The following ATP7B variants were observed in gnomAD, a reference collection of about 807,000 sequenced individuals.
The protein encoded by ATP7B is copper-transporting ATPase 2.
Under a neutral mutation model 118.9 loss-of-function variants are expected in ATP7B, and 113 were observed. The observed-to-expected ratio is 0.95, with a 90% CI of 0.82 to 1.11. The LOEUF (loss-of-function observed/expected upper bound fraction) is 1.11, where lower values mean the gene tolerates loss of function less well. Among genes scored for constraint, ATP7B ranks in the 50% most tolerant of loss-of-function variants. The probability of loss-of-function intolerance (pLI) is 0.00; values close to 1 mark genes in which losing one functional copy is unlikely to be tolerated. For synonymous variants in ATP7B, 777 were observed against 727.4 expected (o/e 1.07, Z -1.10); for missense variants, 1,867 against 1,871.4 (o/e 1.00, Z 0.04).
intron 1 of ATP7B, among the ~76,000 whole-genome samples, chr13:52,004,931 G>A (rs1252207951): frequency 6.6e-6 from 1 of 152,216 alleles, no homozygotes; most frequent in Non-Finnish European, 1.5e-5. Context: ...GCACCACATG[G>A]ACACCAAGGT....
chr13:51,974,145 T>C lies in ATP7B; in HGVS notation c.1075A>G (p.Ser359Gly), dbSNP rs754514505. 1.9e-6 allele frequency: 3 copies of C among 1,613,430 alleles called. No homozygotes were observed. The South Asian group carries it at 3.3e-5, about 18-fold the overall frequency. Residue 359 changes from serine to glycine, a missense_variant, in exon 2 of 21, where the codon AGT becomes GGT. Transcript: ENST00000242839. ...CCGGCAATGGCAATCAGAGTGGTAC[T>C]GCATGTGCCCTGGACCTGGTTTCTC... is the stretch of plus-strand genomic sequence containing the variant. Reference protein sequence around the residue: ...PPRNQVQGTCSTTLIAIAGMT... With the variant: ...PPRNQVQGTCGTTLIAIAGMT...
At chr13:51,972,378 T>C (rs1349906191) in intron 2 of ATP7B, among the ~76,000 whole-genome samples, 5 of 150,842 alleles carry the variant, frequency 3.3e-5, no homozygotes, top group Non-Finnish European at 7.4e-5. Flanking sequence ...CATCTCACAA[T>C]CACTCTTTCT....
Position 51,946,317 on chromosome 13 carries a change from G to A in ATP7B, c.3027C>T (p.Ile1009=), listed in dbSNP as rs1293758746. The change falls in exon 13 of 21, where the codon ATC becomes ATT. Residue 1009 remains isoleucine, a synonymous_variant. Coordinates refer to ENST00000242839, the MANE Select transcript of ATP7B (RefSeq NM_000053.4). The part of the protein sequence containing the change: ...TGVAAQNGIL[I]KGGKPLEMAH... Reference sequence around the variant, plus strand: ...CCATCTCCAGGGGCTTGCCTCCCTTGATGAGGATGCCGTTCTGCGCGGCCA... The same window carrying A: ...CCATCTCCAGGGGCTTGCCTCCCTTAATGAGGATGCCGTTCTGCGCGGCCA... The A allele has an allele frequency of 1.2e-6, 2 of 1,601,936 alleles. No individual in the cohort carries two copies. Among genetic ancestry groups the A allele is most frequent in the Non-Finnish European group, 1.7e-6 (2 of 1,174,712 alleles).
At chr13:51,987,741 G>A (rs932268482) in intron 1 of ATP7B, among the ~76,000 whole-genome samples, 5 of 152,072 alleles carry the variant, frequency 3.3e-5, no homozygotes, top group Admixed American at 3.3e-4. Flanking sequence ...CAGAACATGG[G>A]CCTCAGAAAT....
chr13:51,949,899 C>T, intron 11 of ATP7B, 103 bp from the exon 12 acceptor site: 2 of 1,608,812 alleles, frequency 1.2e-6, no homozygotes, highest in Non-Finnish European at 1.7e-6. Context: ...CATTTAACCA[C>T]ATTTACTAAT....
intron 1 of ATP7B, among the ~76,000 whole-genome samples, chr13:51,989,609 C>T (rs999094225): frequency 2.6e-5 from 4 of 151,790 alleles, no homozygotes; most frequent in African/African-American, 9.7e-5. Context: ...ATGTTATTTT[C>T]AATATACAAC....
Position 51,942,464 on chromosome 13 carries a change from T to A in ATP7B, c.3334A>T (p.Ile1112Phe), listed in dbSNP as rs770624100. The A allele has an allele frequency of 2.5e-6, 4 of 1,614,246 alleles. No homozygotes were observed. The highest frequency in any genetic ancestry group is 3.4e-6 in the Non-Finnish European group (4 of 1,180,040). The change falls in exon 15 of 21, where the codon ATC (isoleucine) becomes TTC (phenylalanine). Residue 1112 changes from isoleucine (I) to phenylalanine (F), a missense_variant. Transcript: ENST00000242839. ...AAAGGGCGCTCACTGTGGGCCAGGA[T>A]GCCTTCCACGTTGCTGACTTTGCAC... ...IGCKVSNVEG[I>F]LAHSERPLSA...
chr13:52,011,202 G>C (rs1024358633), intron 1 of ATP7B, 85 bp downstream of exon 1: 1 of 1,606,566 alleles, frequency 6.2e-7, no homozygotes, highest in Admixed American at 1.7e-5. Context: ...GCACCCCCTG[G>C]GGGCGAGTAA....
chr13:51,966,972 A>T, intron 4 of ATP7B: 1 of 1,613,604 alleles, frequency 6.2e-7, no homozygotes, highest in Non-Finnish European at 8.5e-7. Flanking sequence ...AAGAAACCAC[A>T]GCTGATGGCA....
chr13:51,938,746 C>T (rs545702312), intron 17 of ATP7B, among the ~76,000 whole-genome samples: 2 of 152,316 alleles, frequency 1.3e-5, no homozygotes, highest in South Asian at 4.1e-4. Context: ...TAGAAAATGT[C>T]TATCTCAGCC....
chr13:51,935,538 G>A, intron 20 of ATP7B, 55 bp downstream of exon 20: 4 of 1,536,552 alleles, frequency 2.6e-6, no homozygotes, highest in South Asian at 1.2e-5. Flanking sequence ...TAAGCATGCA[G>A]AATGACAAGG....
At chr13:51,958,631 A>C (rs1958518289) in intron 7 of ATP7B, 87 bp from the exon 8 acceptor site, 1 of 1,163,214 alleles carries the variant, frequency 8.6e-7, no homozygotes. Context: ...GGGGATGGCA[A>C]AGCCTCTAGC....
chr13:52,011,961 T>G (rs1954052899), upstream of ATP7B: 1 of 301,106 alleles, frequency 3.3e-6, no homozygotes, highest in Non-Finnish European at 6.4e-6. Context: ...ACTCTGCGCC[T>G]GGCTGCCGGA....
At chr13:51,965,086 T>C in intron 4 of ATP7B, 53 bp from the exon 5 acceptor site, 1 of 1,609,538 alleles carries the variant, frequency 6.2e-7, no homozygotes, top group Non-Finnish European at 8.5e-7. Flanking sequence ...GGAAAGCCTG[T>C]GAAAGCCAGT....
intron 4 of ATP7B, chr13:51,967,165 T>C: frequency 1.9e-6 from 3 of 1,565,456 alleles, no homozygotes; most frequent in Non-Finnish European, 2.6e-6. Context: ...CCATCATCAC[T>C]TTGGACAGGA....
intron 1 of ATP7B, among the ~76,000 whole-genome samples, 177 bp downstream of exon 1, chr13:52,011,110 T>C (rs1289559483): frequency 1.3e-5 from 2 of 152,236 alleles, no homozygotes; most frequent in African/African-American, 2.4e-5. Flanking sequence ...AAACATCAGT[T>C]GACGGCACAC....
Position 51,942,406 on chromosome 13 carries a change from C to A in ATP7B, c.3392G>T (p.Gly1131Val), listed in dbSNP as rs1950610879. 3 of 1,614,182 alleles carry A rather than the reference C, an allele frequency of 1.9e-6. No individual in the cohort carries two copies. In the East Asian group the frequency reaches 6.7e-5, roughly 36 times the overall value. ...SAPASHLNEA[G>V]SLPAEKDAVP... is the part of the protein sequence containing the mutation. The stretch of plus-strand genomic sequence containing the variant: ...AATACCTTTTTCTGCGGGAAGGCTG[C>A]CAGCCTCATTCAGGTGACTGGCCGG... Residue 1131 changes from glycine (G) to valine (V), a missense_variant, in exon 15 of 21, where the codon GGC becomes GTC. Transcript: ENST00000242839.
intron 14 of ATP7B, among the ~76,000 whole-genome samples, chr13:51,943,195 A>T (rs1439078406): frequency 1.3e-5 from 2 of 152,170 alleles, no homozygotes; most frequent in Non-Finnish European, 2.9e-5. Context: ...TGGCTGTGAC[A>T]CCGACCTCAC....
chr13:51,970,396 G>A, intron 3 of ATP7B, 96 bp downstream of exon 3: 1 of 1,554,444 alleles, frequency 6.4e-7, no homozygotes, highest in Non-Finnish European at 8.9e-7. Context: ...CTGGTTATCA[G>A]GGCTACTGAT....
Sources: gnomAD v4.1 joint callset for allele counts (sites outside exome capture counted in the v4.1 genomes callset) on GRCh38, gnomAD v4.1.1 for gene constraint, MANE v1.5 for transcripts, NCBI Gene and HGNC (gene_info 2026-07-23, HGNC 2026-07-21) for gene names.